ACTL8: variants seen among roughly 807,000 people sequenced by gnomAD.
The protein encoded by ACTL8 is actin-like protein 8.
In ACTL8, 3 loss-of-function variants were observed where a neutral mutation model predicts 9.3. That is an observed-to-expected ratio of 0.32 (90% CI 0.15 to 0.83). ACTL8 has a LOEUF of 0.83. ACTL8 is among the 40% of genes least tolerant of loss of function. The pLI, the probability that ACTL8 is intolerant of heterozygous loss-of-function variation, is 0.57. For synonymous variants in ACTL8, 224 were observed against 205.9 expected, an observed-to-expected ratio of 1.09 and a Z score of -0.75; for missense variants, 381 against 492.2, an observed-to-expected ratio of 0.77 and a Z score of 2.14.
chr1:17,822,872 G>C (rs2053675169), intron 1 of ACTL8, 113 bp from the exon 2 acceptor site: 1 of 684,446 alleles, frequency 1.5e-6, no homozygotes, highest in African/African-American at 1.8e-5. Flanking sequence ...GCTTGGAAGG[G>C]GCAGTGGACA....
chr1:17,825,756 C>T lies in ACTL8; in HGVS notation c.349-11C>T, dbSNP rs771288439. ...GGGGAAATGCACTGAGTGAATTCTC[C>T]CTCGTTGCAGATCCTGTTTGAGTTG... is the stretch of plus-strand genomic sequence containing the variant. On this transcript the variant is annotated splice_polypyrimidine_tract_variant and intron_variant, in intron 2 of 2. Coordinates refer to ENST00000375406, the MANE Select transcript of ACTL8 (RefSeq NM_030812.3). The T allele has an allele frequency of 1.9e-6, 3 of 1,607,062 alleles. No individual in the cohort carries two copies. Among genetic ancestry groups the T allele is most frequent in the South Asian group, 2.2e-5 (2 of 90,924 alleles).
intron 1 of ACTL8, among the ~76,000 whole-genome samples, chr1:17,795,771 C>G (rs959905631): frequency 8.5e-5 from 13 of 152,116 alleles, no homozygotes; most frequent in Non-Finnish European, 1.5e-4. Context: ...CCGTTTGATT[C>G]CAAAATCTTG....
chr1:17,822,457 T>C (rs551069072), intron 1 of ACTL8, among the ~76,000 whole-genome samples: 24 of 152,308 alleles, frequency 1.6e-4, no homozygotes, highest in East Asian at 7.7e-4. Flanking sequence ...GAGTAGGTTC[T>C]CCAGAAAATG....
chr1:17,802,415 C>CCGTGCGTGTGTGTGTGTGTGTGTG (rs1203599989), intron 1 of ACTL8, among the ~76,000 whole-genome samples: 1 of 136,480 alleles, frequency 7.3e-6, no homozygotes, highest in Admixed American at 7.4e-5. Context: ...TCCCGGATGA[C>CCGTGCGTGTGTGTGTGTGTGTGTG]TGTGCGTGCG....
At chr1:17,771,801 G>C (rs982684483) in intron 1 of ACTL8, among the ~76,000 whole-genome samples, 15 of 152,088 alleles carry the variant, frequency 9.9e-5, no homozygotes, top group Admixed American at 4.6e-4. Context: ...CGTGCTCACC[G>C]GCTGGACAAA....
At chr1:17,814,657 A>G (rs1203317829) in intron 1 of ACTL8, among the ~76,000 whole-genome samples, 2 of 152,130 alleles carry the variant, frequency 1.3e-5, no homozygotes, top group African/African-American at 2.4e-5. Flanking sequence ...ACAGGACAAT[A>G]CATACCATTA....
At chr1:17,769,075 C>T (rs1569996650) in intron 1 of ACTL8, among the ~76,000 whole-genome samples, 1 of 152,176 alleles carries the variant, frequency 6.6e-6, no homozygotes, top group Admixed American at 6.5e-5. Context: ...CATAGTGAGT[C>T]AGTCGCAAAG....
At chr1:17,825,582 C>T (rs1419912082) in intron 2 of ACTL8, among the ~76,000 whole-genome samples, 185 bp from the exon 3 acceptor site, 1 of 152,190 alleles carries the variant, frequency 6.6e-6, no homozygotes, top group Non-Finnish European at 1.5e-5. Context: ...AGGGCAAACC[C>T]AGCTCCCCTT....
intron 1 of ACTL8, among the ~76,000 whole-genome samples, chr1:17,791,721 G>A (rs1039061068): frequency 6.6e-6 from 1 of 152,230 alleles, no homozygotes; most frequent in Non-Finnish European, 1.5e-5. Flanking sequence ...ATTTGCCTGT[G>A]GAACGAGGAG....
At chr1:17,761,444 T>A (rs2066002393) in intron 1 of ACTL8, among the ~76,000 whole-genome samples, 1 of 152,162 alleles carries the variant, frequency 6.6e-6, no homozygotes, top group Admixed American at 6.5e-5. Context: ...AGGCTCTTGT[T>A]GGCACAGACT....
At chr1:17,809,088 A>T (rs1557443827) in intron 1 of ACTL8, among the ~76,000 whole-genome samples, 1 of 152,188 alleles carries the variant, frequency 6.6e-6, no homozygotes, top group Admixed American at 6.5e-5. Context: ...ATGTATTTTT[A>T]AAAATTTATT....
chr1:17,764,282 C>T (rs1392120835), intron 1 of ACTL8, among the ~76,000 whole-genome samples: 1 of 152,170 alleles, frequency 6.6e-6, no homozygotes, highest in African/African-American at 2.4e-5. Context: ...AGACAGTCAT[C>T]CTGCCTCAAA....
chr1:17,814,612 T>TCATAG (rs565758636), intron 1 of ACTL8, among the ~76,000 whole-genome samples: 41 of 151,854 alleles, frequency 2.7e-4, no homozygotes, highest in African/African-American at 8.9e-4. Context: ...CAGTACCAGT[T>TCATAG]CATAGCATAG....
At chr1:17,821,507 T>C (rs988267015) in intron 1 of ACTL8, among the ~76,000 whole-genome samples, 2 of 152,378 alleles carry the variant, frequency 1.3e-5, no homozygotes, top group South Asian at 4.1e-4. Flanking sequence ...TGCTATTTGT[T>C]GTAAAGACTG....
intron 1 of ACTL8, among the ~76,000 whole-genome samples, chr1:17,760,782 T>A (rs1192342086): frequency 6.6e-6 from 1 of 152,086 alleles, no homozygotes; most frequent in African/African-American, 2.4e-5. Flanking sequence ...CCCCTGACAA[T>A]CACCTCAGCT....
At chr1:17,793,292 C>T (rs116473728) in intron 1 of ACTL8, among the ~76,000 whole-genome samples, 6 of 152,278 alleles carry the variant, frequency 3.9e-5, no homozygotes, top group Non-Finnish European at 5.9e-5. Flanking sequence ...CATCTGGAGC[C>T]CTCTTACTCT....
chr1:17,759,514 A>C (rs544985285), intron 1 of ACTL8, among the ~76,000 whole-genome samples: 140 of 152,342 alleles, frequency 9.2e-4, no homozygotes, highest in African/African-American at 3.4e-3. Flanking sequence ...GCTTTCTTGC[A>C]AGTTCTGCTG....
At chr1:17,776,969 A>ATT (rs765972298) in intron 1 of ACTL8, among the ~76,000 whole-genome samples, 683 of 50,544 alleles carry the variant, frequency 0.014, 138 homozygotes, top group Non-Finnish European at 0.019. Flanking sequence ...CTGGCTAATG[A>ATT]TTTTTTTTTT....
chr1:17,803,675 C>T (rs1367418237), intron 1 of ACTL8, among the ~76,000 whole-genome samples: 1 of 152,164 alleles, frequency 6.6e-6, no homozygotes, highest in East Asian at 1.9e-4. Flanking sequence ...GACTAATACA[C>T]CTGCCAAGGG....
Sources: allele counts gnomAD v4.1 joint callset (sites outside exome capture counted in the v4.1 genomes callset), GRCh38; gene constraint gnomAD v4.1.1; transcripts MANE v1.5; gene names NCBI Gene and HGNC (gene_info 2026-07-23, HGNC 2026-07-21).